The following STRIP2 variants were observed in gnomAD, a reference collection of about 807,000 sequenced individuals.
The protein encoded by STRIP2 is striatin-interacting protein 2.
A neutral mutation model predicts 107.1 loss-of-function variants in STRIP2; 84 were observed. The ratio of observed to expected loss-of-function variants is 0.78; its 90% CI spans 0.66 to 0.94. The LOEUF is 0.94. Ranked by LOEUF, STRIP2 falls within the 40% of genes least tolerant of loss-of-function variation. The probability of loss-of-function intolerance (pLI) is 0.00; values close to 1 mark genes in which losing one functional copy is unlikely to be tolerated. For synonymous variants in STRIP2, 394 were observed against 400.4 expected (o/e 0.98, Z 0.19); for missense variants, 888 against 1,034.2 (o/e 0.86, Z 1.94).
At chr7:129,455,398 T>C (rs1562902562) in intron 8 of STRIP2, 27 bp downstream of exon 8, 1 of 1,606,062 alleles carries the variant, frequency 6.2e-7, no homozygotes, top group Non-Finnish European at 8.5e-7. Flanking sequence ...ACTCCCACAT[T>C]ATCAGATCAG....
chr7:129,472,803 T>TTTTTTTTTG (rs1798824578), intron 18 of STRIP2, among the ~76,000 whole-genome samples: 1 of 141,330 alleles, frequency 7.1e-6, no homozygotes, highest in African/African-American at 2.6e-5. Context: ...TTTTTTTTTT[T>TTTTTTTTTG]TGAGACAGAG....
chr7:129,471,384 T>C (rs1475436246), intron 18 of STRIP2, among the ~76,000 whole-genome samples: 1 of 152,212 alleles, frequency 6.6e-6, no homozygotes, highest in Admixed American at 6.5e-5. Context: ...ATTGTAATTA[T>C]GCATTTGTGT....
At chr7:129,475,568 C>CT (rs1193913684) in intron 18 of STRIP2, among the ~76,000 whole-genome samples, 1 of 99,300 alleles carries the variant, frequency 1.0e-5, no homozygotes, top group African/African-American at 3.9e-5. Flanking sequence ...TTTTTTTTTT[C>CT]TTTTTATTTT....
rs1396021411 is a variant in STRIP2 at position 129,483,842 on chromosome 7, T to G, written c.2254+796T>G. ...TCACTGCAGCCTCGACTTCCTGGGCTCAAGTGATCCTCCCAGCTGCCAAGT... is the reference window on the plus strand; with the variant it reads ...TCACTGCAGCCTCGACTTCCTGGGCGCAAGTGATCCTCCCAGCTGCCAAGT... On this transcript the variant is annotated intron_variant, in intron 20 of 20. Transcript: ENST00000249344. This position sits in a 1 kb window ranked among gnomAD's most constrained non-coding sequence, Gnocchi z 5.1. Among the ~76,000 whole-genome samples the G allele has an allele frequency of 2.6e-5, 4 of 152,162 alleles. No individual in the cohort carries two copies. Among genetic ancestry groups the G allele is most frequent in the Non-Finnish European group, 4.4e-5 (3 of 68,024 alleles).
At chr7:129,435,021 G>T (rs952316453) in intron 1 of STRIP2, among the ~76,000 whole-genome samples, 1 of 152,238 alleles carries the variant, frequency 6.6e-6, no homozygotes, top group African/African-American at 2.4e-5. Flanking sequence ...CAGGATTGGC[G>T]AGTGGGGCAA....
At chr7:129,434,719 G>A (rs1194751048) in intron 1 of STRIP2, 118 bp downstream of exon 1, 1 of 1,220,626 alleles carries the variant, frequency 8.2e-7, no homozygotes. Flanking sequence ...GCCCCGCGCA[G>A]TGGGCGCCTG....
At chr7:129,460,166 A>G in intron 12 of STRIP2, 135 bp from the exon 13 acceptor site, 1 of 669,218 alleles carries the variant, frequency 1.5e-6, no homozygotes, top group Non-Finnish European at 2.5e-6. Context: ...TCCTTCCTTG[A>G]AAGAGTTCAT....
At position 129,472,772 on chromosome 7, in the gene STRIP2, TTTCC is replaced by T. The variant is rs1245418695; in HGVS notation, c.1944+2060_1944+2063del. ...TTGAATATATAGAATTTTCTTTTCT[TTTCC>T]TTTTTTTTTTTTTTTTTTTTTTTTT... On this transcript the variant is annotated intron_variant, in intron 18 of 20. Coordinates refer to ENST00000249344, the MANE Select transcript of STRIP2 (RefSeq NM_020704.3). Among the ~76,000 whole-genome samples the T allele has an allele frequency of 4.6e-4, 34 of 73,816 alleles. No individual in the cohort carries two copies. In the South Asian group the frequency reaches 5.6e-3, roughly 12 times the overall value. 48.4% of individuals were successfully genotyped at this position (73,816 alleles called of 152,430 possible).
intron 18 of STRIP2, chr7:129,477,821 A>G (rs886712421): frequency 8.9e-6 from 3 of 336,728 alleles, no homozygotes; most frequent in Admixed American, 7.6e-5. Flanking sequence ...CCACAGGAGC[A>G]AGAGAGAAGC....
chr7:129,442,285 G>A (rs1404958919), intron 2 of STRIP2, among the ~76,000 whole-genome samples: 2 of 152,040 alleles, frequency 1.3e-5, no homozygotes, highest in South Asian at 2.1e-4. Flanking sequence ...CAGTAACAAA[G>A]GAATTTATAC....
Position 129,483,202 on chromosome 7 carries a change from G to C in STRIP2, c.2254+156G>C. On this transcript the variant is annotated intron_variant, in intron 20 of 20. Coordinates refer to ENST00000249344, the MANE Select transcript of STRIP2 (RefSeq NM_020704.3). This position sits in a 1 kb window ranked among gnomAD's most constrained non-coding sequence, Gnocchi z 5.1. The stretch of plus-strand genomic sequence containing the variant: ...CAGGCGCTGATACACCAAACTTTAA[G>C]GTTATGCCTCAAATTCTAGTATGTA... 7.0e-7 allele frequency: 1 copy of C among 1,429,098 alleles called. No individual in the cohort carries two copies. Among genetic ancestry groups the C allele is most frequent in the Non-Finnish European group, 9.1e-7 (1 of 1,093,088 alleles). The allele number at this position is 1,429,098 out of a possible 1,614,324, so 88.5% of individuals were successfully genotyped here.
intron 1 of STRIP2, among the ~76,000 whole-genome samples, chr7:129,439,096 G>A (rs1282647539): frequency 6.6e-6 from 1 of 152,098 alleles, no homozygotes; most frequent in Non-Finnish European, 1.5e-5. Context: ...CCTGGATGTG[G>A]GGGTGGTGCT....
At chr7:129,438,533 C>T (rs1416622331) in intron 1 of STRIP2, among the ~76,000 whole-genome samples, 1 of 152,086 alleles carries the variant, frequency 6.6e-6, no homozygotes, top group African/African-American at 2.4e-5. Context: ...TGTTATTATC[C>T]TCATTTTACA....
chr7:129,470,567 A>G lies in STRIP2; in HGVS notation c.1878-82A>G, dbSNP rs1004844392. On this transcript the variant is annotated intron_variant, in intron 17 of 20. Coordinates refer to ENST00000249344, the MANE Select transcript of STRIP2 (RefSeq NM_020704.3). Reference sequence around the variant, plus strand: ...AATGGATAGGGGCTGCTGGAGAGAAATAACTCCTGCCCTTTCCAGATACAG... The same window carrying G: ...AATGGATAGGGGCTGCTGGAGAGAAGTAACTCCTGCCCTTTCCAGATACAG... 1.3e-4 allele frequency: 148 copies of G among 1,177,700 alleles called. 1 individual carries two copies. Among genetic ancestry groups the G allele is most frequent in the Non-Finnish European group, 1.8e-4 (142 of 789,440 alleles). The allele number at this position is 1,177,700 out of a possible 1,614,324, so 73.0% of individuals were successfully genotyped here.
intron 18 of STRIP2, among the ~76,000 whole-genome samples, chr7:129,471,052 TTATC>T (rs1798778135): frequency 1.3e-5 from 2 of 152,226 alleles, no homozygotes; most frequent in South Asian, 4.1e-4. Context: ...GCACAAATAA[TTATC>T]TGTCTTCTTT....
At chr7:129,478,089 C>A (rs1562917957) in intron 18 of STRIP2, 4 of 280,722 alleles carry the variant, frequency 1.4e-5, no homozygotes. Context: ...ATGTTAGAAA[C>A]CTTGGAACAA....
Position 129,470,356 on chromosome 7 carries a change from T to A in STRIP2, c.1878-293T>A, listed in dbSNP as rs575511526. Among the ~76,000 whole-genome samples, 16 of 152,380 alleles carry A rather than the reference T, an allele frequency of 1.1e-4. No homozygotes were observed. The South Asian group carries it at 3.3e-3, about 32-fold the overall frequency. On this transcript the variant is annotated intron_variant, in intron 17 of 20. Transcript: ENST00000249344. Reference sequence around the variant, plus strand: ...AAACACAAATGCACTCAAGTTTACATGTTCCTTTAAAGAAGCAAGGAGTGC... The same window carrying A: ...AAACACAAATGCACTCAAGTTTACAAGTTCCTTTAAAGAAGCAAGGAGTGC...
At chr7:129,463,850 C>T (rs1798605105) in intron 14 of STRIP2, among the ~76,000 whole-genome samples, 194 bp from the exon 15 acceptor site, 1 of 152,220 alleles carries the variant, frequency 6.6e-6, no homozygotes, top group African/African-American at 2.4e-5. Flanking sequence ...GGCTTTCTCC[C>T]TAGCCTCACA....
chr7:129,472,882 G>A (rs1321821891), intron 18 of STRIP2, among the ~76,000 whole-genome samples: 2 of 139,206 alleles, frequency 1.4e-5, no homozygotes, highest in South Asian at 4.7e-4. Context: ...TGCCTCGTGA[G>A]TCCAAGTGAT....
Sources: gnomAD v4.1 joint callset for allele counts (sites outside exome capture counted in the v4.1 genomes callset) on GRCh38, gnomAD v4.1.1 for gene constraint, Gnocchi (gnomAD v3.1) non-coding constraint, MANE v1.5 for transcripts, NCBI Gene and HGNC (gene_info 2026-07-23, HGNC 2026-07-21) for gene names.